Variants in COL19A1 observed in about 807,000 individuals in gnomAD.
COL19A1 encodes the protein collagen alpha-1(XIX) chain.
In COL19A1, 159 loss-of-function variants were observed where a neutral mutation model predicts 190.2. That is an observed-to-expected ratio of 0.84 (90% CI 0.73 to 0.95). The LOEUF (loss-of-function observed/expected upper bound fraction) is 0.95, where lower values mean the gene tolerates loss of function less well. Ranked by LOEUF, COL19A1 falls within the 40% of genes least tolerant of loss-of-function variation. The pLI, the probability that COL19A1 is intolerant of heterozygous loss-of-function variation, is 0.00. For missense variants in COL19A1, 1,418 were observed against 1,431.9 expected (o/e 0.99, Z 0.16); for synonymous variants, 509 against 458.9 (o/e 1.11, Z -1.39).
intron 4 of COL19A1, among the ~76,000 whole-genome samples, chr6:69,919,400 ATAGT>A (rs1284995952): frequency 3.3e-5 from 5 of 152,208 alleles, no homozygotes; most frequent in Non-Finnish European, 7.3e-5. Context: ...AAAGCACTTC[ATAGT>A]TAGGAAGAAT....
chr6:70,108,583 C>T lies in COL19A1; in HGVS notation c.1278+6361C>T, dbSNP rs149995072. ...AAAAATTATTTTCAGGATTTTGTTA[C>T]ATTTATGCTTACCTTGAAATTTAAA... On this transcript the variant is annotated intron_variant, in intron 16 of 50. Coordinates refer to ENST00000620364, the MANE Select transcript of COL19A1 (RefSeq NM_001858.6). Among the ~76,000 whole-genome samples, 907 of 152,246 alleles carry T rather than the reference C, an allele frequency of 6.0e-3. 12 individuals are homozygous for T. The highest frequency in any genetic ancestry group is 0.021 in the South Asian group (102 of 4,822).
chr6:70,107,017 T>G (rs750350564), intron 16 of COL19A1, among the ~76,000 whole-genome samples: 12 of 152,202 alleles, frequency 7.9e-5, no homozygotes, highest in Non-Finnish European at 1.6e-4. Context: ...TTCCAGTGTC[T>G]TAGGGAATCC....
At chr6:69,872,378 T>C (rs1767894884) in intron 1 of COL19A1, among the ~76,000 whole-genome samples, 1 of 152,148 alleles carries the variant, frequency 6.6e-6, no homozygotes, top group South Asian at 2.1e-4. Flanking sequence ...ATCAATAGAA[T>C]ATCTATTGAT....
At chr6:70,035,585 G>A (rs946984106) in intron 13 of COL19A1, among the ~76,000 whole-genome samples, 1 of 152,058 alleles carries the variant, frequency 6.6e-6, no homozygotes. Context: ...TGCTTCATTG[G>A]CAAGTAAACA....
Position 69,879,663 on chromosome 6 carries a change from C to A in COL19A1, c.91+5C>A. The A allele has an allele frequency of 1.2e-6, 2 of 1,613,628 alleles. No individual in the cohort carries two copies. The highest frequency in any genetic ancestry group is 1.7e-6 in the Non-Finnish European group (2 of 1,179,580). ...TGACCGTTAGGGACAAGACAGGTAT[C>A]CAGGCCAACTCTTTGCCTAATCACC... is the stretch of plus-strand genomic sequence containing the variant. On this transcript the variant is annotated splice_donor_5th_base_variant and intron_variant, in intron 2 of 50. Transcript: ENST00000620364.
chr6:69,999,115 G>GA (rs1367893344), intron 11 of COL19A1, among the ~76,000 whole-genome samples: 2 of 151,402 alleles, frequency 1.3e-5, no homozygotes, highest in East Asian at 3.9e-4. Flanking sequence ...AGTAGAGATG[G>GA]GGTTTCACCA....
intron 46 of COL19A1, 149 bp from the exon 47 acceptor site, chr6:70,187,926 G>C: frequency 3.4e-6 from 3 of 870,600 alleles, no homozygotes; most frequent in Non-Finnish European, 3.5e-6. Context: ...TGCCCACTTT[G>C]TAGGAGAGGA....
In COL19A1 at chr6:70,026,495, G is replaced by C. The variant is rs78706000; in HGVS notation, c.1080+2815G>C. Among the ~76,000 whole-genome samples, 138 of 152,298 alleles carry C rather than the reference G, an allele frequency of 9.1e-4. 1 individual carries two copies. The highest frequency in any genetic ancestry group is 3.1e-3 in the African/African-American group (129 of 41,568). ...AAGTACAACCATAAAGCATGACAAA[G>C]CACATTAACTTTTCTCACTTGGTTA... On this transcript the variant is annotated intron_variant, in intron 12 of 50. Transcript: ENST00000620364.
intron 41 of COL19A1, among the ~76,000 whole-genome samples, chr6:70,176,172 G>A (rs1765792708): frequency 6.6e-6 from 1 of 152,162 alleles, no homozygotes; most frequent in Non-Finnish European, 1.5e-5. Flanking sequence ...TTAAGCAAGA[G>A]TAATGATCTT....
At chr6:70,099,100 T>C (rs1158239449) in intron 15 of COL19A1, among the ~76,000 whole-genome samples, 1 of 149,938 alleles carries the variant, frequency 6.7e-6, no homozygotes, top group East Asian at 1.9e-4. Flanking sequence ...AAAAAAGAGA[T>C]TGTGCCCTGC....
intron 31 of COL19A1, among the ~76,000 whole-genome samples, chr6:70,153,692 C>G (rs1424990941): frequency 2.6e-5 from 4 of 152,074 alleles, no homozygotes; most frequent in Non-Finnish European, 5.9e-5. Context: ...ATGTTTGTGT[C>G]TGCAGATAAT....
Position 70,199,696 on chromosome 6 carries a change from G to A in COL19A1, c.3183G>A (p.Lys1061=), listed in dbSNP as rs1183411855. 3.7e-6 allele frequency: 6 copies of A among 1,610,922 alleles called. No individual in the cohort carries two copies. The highest frequency in any genetic ancestry group is 5.1e-6 in the Non-Finnish European group (6 of 1,178,140). ...ATGGGAGACCTGGGCCACCAGGGAA[G>A]GATGGGTTGCCTGGGCCACCAGGAG... ...QAYGRPGPPG[K]DGLPGPPGDP... is the part of the protein sequence containing the mutation. Residue 1061 remains lysine, a synonymous_variant, in exon 49 of 51, where the codon AAG becomes AAA. Transcript: ENST00000620364.
At chr6:69,905,871 T>C (rs1770517320) in intron 4 of COL19A1, among the ~76,000 whole-genome samples, 1 of 152,246 alleles carries the variant, frequency 6.6e-6, no homozygotes, top group South Asian at 2.1e-4. Flanking sequence ...TTTAGAAGAT[T>C]CTGGGTGGCA....
In COL19A1 at chr6:69,983,790, T is replaced by C. The variant is rs73482173; in HGVS notation, c.1026+20920T>C. On this transcript the variant is annotated intron_variant, in intron 11 of 50. Coordinates refer to ENST00000620364, the MANE Select transcript of COL19A1 (RefSeq NM_001858.6). The stretch of plus-strand genomic sequence containing the variant: ...TTTCAAATGCTAAACTACCCTTGGA[T>C]TCCTAGAATAAAATTCATTTGTTAA... 7.4e-3 allele frequency among the ~76,000 whole-genome samples: 1,121 copies of C among 152,250 alleles called. 16 individuals carry two copies. The highest frequency in any genetic ancestry group is 0.023 in the African/African-American group (954 of 41,568).
intron 11 of COL19A1, among the ~76,000 whole-genome samples, chr6:69,973,354 T>C (rs371736892): frequency 2.0e-5 from 3 of 152,284 alleles, no homozygotes; most frequent in East Asian, 3.9e-4. Flanking sequence ...CTCATTAATC[T>C]CTTCACCCCC....
At chr6:69,960,867 G>T (rs1033606063) in intron 10 of COL19A1, among the ~76,000 whole-genome samples, 5 of 151,810 alleles carry the variant, frequency 3.3e-5, no homozygotes, top group Admixed American at 2.6e-4. Flanking sequence ...TCCTGACCTC[G>T]TGATCCACCC....
intron 9 of COL19A1, among the ~76,000 whole-genome samples, chr6:69,941,855 AT>A (rs1318974342): frequency 6.6e-5 from 10 of 151,944 alleles, no homozygotes; most frequent in Non-Finnish European, 1.5e-4. Flanking sequence ...TGCCTGGCTA[AT>A]TTTTGTATTT....
chr6:70,113,736 A>G (rs1450155140), intron 16 of COL19A1, among the ~76,000 whole-genome samples: 1 of 149,640 alleles, frequency 6.7e-6, no homozygotes, highest in African/African-American at 2.5e-5. Flanking sequence ...GAAGCCCTCC[A>G]TGATTTTGAA....
At chr6:69,950,436 A>G (rs1285693626) in intron 9 of COL19A1, among the ~76,000 whole-genome samples, 2 of 151,856 alleles carry the variant, frequency 1.3e-5, no homozygotes, top group Non-Finnish European at 2.9e-5. Flanking sequence ...TTGCATAAAA[A>G]TAACTGTCCC....
Sources: gnomAD v4.1 joint callset for allele counts (sites outside exome capture counted in the v4.1 genomes callset) on GRCh38, gnomAD v4.1.1 for gene constraint, MANE v1.5 for transcripts, NCBI Gene and HGNC (gene_info 2026-07-23, HGNC 2026-07-21) for gene names.